Variants in TOP1 observed in about 807,000 individuals in gnomAD.
TOP1 encodes the protein DNA topoisomerase 1.
A neutral mutation model predicts 111.1 loss-of-function variants in TOP1; 10 were observed. The observed-to-expected ratio is 0.09, with a 90% CI of 0.06 to 0.15. The LOEUF is 0.15. TOP1 is among the 10% of genes least tolerant of loss of function. The pLI, the probability that TOP1 is intolerant of heterozygous loss-of-function variation, is 1.00. For synonymous variants in TOP1, 271 were observed against 302.9 expected (o/e 0.89, Z 1.10); for missense variants, 474 against 926.7 (o/e 0.51, Z 6.34).
intron 2 of TOP1, among the ~76,000 whole-genome samples, chr20:41,051,151 T>C (rs1046241646): frequency 6.6e-5 from 10 of 152,230 alleles, no homozygotes; most frequent in African/African-American, 2.4e-4. Flanking sequence ...TGTGAGTGTC[T>C]TTTTGGAGAA....
At chr20:41,053,274 GT>G (rs1250986978) in intron 2 of TOP1, among the ~76,000 whole-genome samples, 1 of 151,954 alleles carries the variant, frequency 6.6e-6, no homozygotes, top group Non-Finnish European at 1.5e-5. Flanking sequence ...TTAGCTTTCA[GT>G]AAGACTTGGC....
chr20:41,033,944 A>G (rs1294854936), intron 2 of TOP1, among the ~76,000 whole-genome samples: 1 of 152,302 alleles, frequency 6.6e-6, no homozygotes, highest in South Asian at 2.1e-4. Context: ...AGCTGTGGAA[A>G]TGTTTGAAAT....
At chr20:41,104,177 G>C (rs1343088936) in intron 13 of TOP1, among the ~76,000 whole-genome samples, 1 of 152,134 alleles carries the variant, frequency 6.6e-6, no homozygotes, top group East Asian at 1.9e-4. Context: ...GTTGGATCTT[G>C]GGCAAGTTTT....
intron 2 of TOP1, among the ~76,000 whole-genome samples, chr20:41,050,585 T>C (rs747589995): frequency 3.9e-5 from 6 of 152,344 alleles, no homozygotes; most frequent in African/African-American, 1.2e-4. Flanking sequence ...GGATTGAAAC[T>C]GGACCAACGT....
chr20:41,033,350 A>C (rs2033144975), intron 2 of TOP1, among the ~76,000 whole-genome samples: 2 of 146,684 alleles, frequency 1.4e-5, no homozygotes, highest in African/African-American at 2.5e-5. Context: ...ATAGCAGCAA[A>C]AAAAAAAAAA....
chr20:41,079,989 T>C lies in TOP1; in HGVS notation c.336-96T>C, dbSNP rs933086962. Reference sequence around the variant, plus strand: ...ATATGTACGTGGTTATCCTTATTTCTGTTAGCTTCTTTTCAACGAAATGAC... The same window carrying C: ...ATATGTACGTGGTTATCCTTATTTCCGTTAGCTTCTTTTCAACGAAATGAC... On this transcript the variant is annotated intron_variant, in intron 5 of 20. Transcript: ENST00000361337. This position sits in a 1 kb window ranked among gnomAD's most constrained non-coding sequence, Gnocchi z 4.0. The C allele has an allele frequency of 6.0e-5, 46 of 773,094 alleles. No individual in the cohort carries two copies. The highest frequency in any genetic ancestry group is 9.7e-5 in the Non-Finnish European group (44 of 454,846). The allele number at this position is 773,094 out of a possible 1,614,324, so 47.9% of individuals were successfully genotyped here. A position where few individuals can be genotyped will look rare whatever the true frequency, so the allele number is the denominator to read the frequency against.
intron 8 of TOP1, among the ~76,000 whole-genome samples, chr20:41,091,552 C>T (rs868376923): frequency 1.5e-3 from 142 of 96,208 alleles, no homozygotes; most frequent in African/African-American, 5.5e-3. Flanking sequence ...AATTATTAAC[C>T]TTTTTTTTTT....
intron 3 of TOP1, chr20:41,073,515 G>T (rs2033691720): frequency 5.1e-6 from 5 of 978,026 alleles, no homozygotes; most frequent in Non-Finnish European, 6.1e-6. Context: ...CTTATAGCAA[G>T]TCTCAGACTC....
Position 41,080,275 on chromosome 20 carries a change from G to T in TOP1, c.431+95G>T, listed in dbSNP as rs573142898. On this transcript the variant is annotated intron_variant, in intron 6 of 20. Coordinates refer to ENST00000361337, the MANE Select transcript of TOP1 (RefSeq NM_003286.4). This position sits in a 1 kb window ranked among gnomAD's most constrained non-coding sequence, Gnocchi z 5.0. ...TTTCTTTATAATACATATAGAAACTGCATTAATTGGCTTTTACTCATTTGG... is the reference window on the plus strand; with the variant it reads ...TTTCTTTATAATACATATAGAAACTTCATTAATTGGCTTTTACTCATTTGG... The T allele has an allele frequency of 5.8e-6, 4 of 692,804 alleles. No homozygotes were observed. The highest frequency in any genetic ancestry group is 3.7e-5 in the African/African-American group (2 of 54,208). 42.9% of individuals were successfully genotyped at this position (692,804 alleles called of 1,614,324 possible).
Position 41,101,462 on chromosome 20 carries a change from C to A in TOP1, c.1308+109C>A. The A allele has an allele frequency of 8.0e-7, 1 of 1,242,374 alleles. No individual in the cohort carries two copies. The highest frequency in any genetic ancestry group is 1.1e-6 in the Non-Finnish European group (1 of 910,530). 77.0% of individuals were successfully genotyped at this position (1,242,374 alleles called of 1,614,324 possible). On this transcript the variant is annotated intron_variant, in intron 13 of 20. Transcript: ENST00000361337. The surrounding 1 kb of genome is among the most constrained non-coding windows in gnomAD (Gnocchi z 4.1). Reference sequence around the variant, plus strand: ...TCACTTTGACAAATTAAAAATCCTCCCCATTGAAAGAAGGCAAGTACTTTC... The same window carrying A: ...TCACTTTGACAAATTAAAAATCCTCACCATTGAAAGAAGGCAAGTACTTTC...
At chr20:41,059,377 A>G (rs913552515) in intron 2 of TOP1, among the ~76,000 whole-genome samples, 2 of 151,468 alleles carry the variant, frequency 1.3e-5, no homozygotes, top group African/African-American at 4.9e-5. Flanking sequence ...GAAAAAAATG[A>G]ACACTGGCCC....
At position 41,029,722 on chromosome 20, in the gene TOP1, G is replaced by T. The variant is rs1384994790; in HGVS notation, c.58+267G>T. The T allele has an allele frequency of 1.8e-6, 1 of 546,650 alleles. No homozygotes were observed. Among genetic ancestry groups the T allele is most frequent in the South Asian group, 2.0e-5 (1 of 50,210 alleles). 33.9% of individuals were successfully genotyped at this position (546,650 alleles called of 1,614,324 possible). On this transcript the variant is annotated intron_variant, in intron 2 of 20. Transcript: ENST00000361337. The surrounding 1 kb of genome is among the most constrained non-coding windows in gnomAD (Gnocchi z 6.1). ...GCCTCGGGCGGTCTTTCCGGGCCGG[G>T]ATTCCTCCCGGGAAAGTCGCCTTGT...
Position 41,097,206 on chromosome 20 carries a change from A to C in TOP1, c.731-14A>C. The C allele has an allele frequency of 6.2e-7, 1 of 1,609,042 alleles. No homozygotes were observed. Among genetic ancestry groups the C allele is most frequent in the Non-Finnish European group, 8.5e-7 (1 of 1,178,874 alleles). On this transcript the variant is annotated splice_polypyrimidine_tract_variant and intron_variant, in intron 9 of 20. Coordinates refer to ENST00000361337, the MANE Select transcript of TOP1 (RefSeq NM_003286.4). This position sits in a 1 kb window ranked among gnomAD's most constrained non-coding sequence, Gnocchi z 4.2. ...ATACTATACCTCACTTTTTGGAACC[A>C]CTTTTTTCTCTAGGTAAAGTCATGA...
rs550206321 is a variant in TOP1, at chr20:41,060,523, G to A, written c.59-871G>A. Among the ~76,000 whole-genome samples, 4 of 152,328 alleles carry A rather than the reference G, an allele frequency of 2.6e-5. No individual in the cohort carries two copies. In the South Asian group the frequency reaches 8.3e-4, roughly 32 times the overall value. On this transcript the variant is annotated intron_variant, in intron 2 of 20. Transcript: ENST00000361337. ...GGGGTGGAAGATGGGGAATGACTGG[G>A]AAGGAGCACGAGGGAAACTTTCTGA...
In TOP1 at chr20:41,114,382, GCCAC is replaced by G. The variant is rs2034295506; in HGVS notation, c.1638+228_1638+231del. ...TGTGCTGTGATCACACCTGTGAATA[GCCAC>G]TGTACTCCAGCCTGGGCAAAATAGT... On this transcript the variant is annotated intron_variant, in intron 15 of 20. Coordinates refer to ENST00000361337, the MANE Select transcript of TOP1 (RefSeq NM_003286.4). The surrounding 1 kb of genome is among the most constrained non-coding windows in gnomAD (Gnocchi z 4.5). Among the ~76,000 whole-genome samples the G allele has an allele frequency of 1.3e-5, 2 of 152,226 alleles. No individual in the cohort carries two copies. Among genetic ancestry groups the G allele is most frequent in the Non-Finnish European group, 2.9e-5 (2 of 68,040 alleles).
rs1311837615 is a variant in TOP1, at chr20:41,058,795, G to A, written c.59-2599G>A. ...TGTGTAAGGTTAGAATAGAGGGTCCGGAAATAGACCTATAATTATATGACC... is the reference window on the plus strand; with the variant it reads ...TGTGTAAGGTTAGAATAGAGGGTCCAGAAATAGACCTATAATTATATGACC... On this transcript the variant is annotated intron_variant, in intron 2 of 20. Coordinates refer to ENST00000361337, the MANE Select transcript of TOP1 (RefSeq NM_003286.4). The surrounding 1 kb of genome is among the most constrained non-coding windows in gnomAD (Gnocchi z 4.2). Among the ~76,000 whole-genome samples the A allele has an allele frequency of 1.3e-5, 2 of 152,056 alleles. No individual in the cohort carries two copies. Among genetic ancestry groups the A allele is most frequent in the East Asian group, 1.9e-4 (1 of 5,196 alleles).
intron 8 of TOP1, among the ~76,000 whole-genome samples, chr20:41,090,150 T>C (rs1232476913): frequency 6.6e-6 from 1 of 152,156 alleles, no homozygotes; most frequent in Non-Finnish European, 1.5e-5. Context: ...ATTTTTTGAA[T>C]TTTTAATAGA....
chr20:41,106,666 A>AT lies in TOP1; in HGVS notation c.1308+5320dup, dbSNP rs1041538874. On this transcript the variant is annotated intron_variant, in intron 13 of 20. Transcript: ENST00000361337. The surrounding 1 kb of genome is among the most constrained non-coding windows in gnomAD (Gnocchi z 4.3). ...AGTTTTTATTGCTAATGTGAATGAGATTTTTTTCCATTATGTTTCTGTTGG... is the reference window on the plus strand; with the variant it reads ...AGTTTTTATTGCTAATGTGAATGAGATTTTTTTTCCATTATGTTTCTGTTGG... 5.3e-5 allele frequency among the ~76,000 whole-genome samples: 8 copies of AT among 151,890 alleles called. No homozygotes were observed. Among genetic ancestry groups the AT allele is most frequent in the African/African-American group, 9.7e-5 (4 of 41,338 alleles).
In TOP1 at chr20:41,035,143, C is replaced by A. The variant is rs573791636; in HGVS notation, c.58+5688C>A. 9.8e-5 allele frequency among the ~76,000 whole-genome samples: 15 copies of A among 152,324 alleles called. 1 individual carries two copies. The South Asian group carries it at 2.3e-3, about 23-fold the overall frequency. On this transcript the variant is annotated intron_variant, in intron 2 of 20. Coordinates refer to ENST00000361337, the MANE Select transcript of TOP1 (RefSeq NM_003286.4). Reference sequence around the variant, plus strand: ...CTGGGCTCAAGCAGCCTGCCCACCTCAGCCTCTCAAAGTGCTGGGCATGAG... The same window carrying A: ...CTGGGCTCAAGCAGCCTGCCCACCTAAGCCTCTCAAAGTGCTGGGCATGAG...
Sources: gnomAD v4.1 joint callset for allele counts (sites outside exome capture counted in the v4.1 genomes callset) on GRCh38, gnomAD v4.1.1 for gene constraint, Gnocchi (gnomAD v3.1) non-coding constraint, MANE v1.5 for transcripts, NCBI Gene and HGNC (gene_info 2026-07-23, HGNC 2026-07-21) for gene names.